Variants in CRTAC1 observed in about 807,000 individuals in gnomAD.
CRTAC1 encodes cartilage acidic protein 1.
In CRTAC1, 37 loss-of-function variants were observed where a neutral mutation model predicts 67.8. The ratio of observed to expected loss-of-function variants is 0.55; its 90% CI spans 0.42 to 0.72. The LOEUF (loss-of-function observed/expected upper bound fraction) is 0.72, where lower values mean the gene tolerates loss of function less well. Ranked by LOEUF, CRTAC1 falls within the 30% of genes least tolerant of loss-of-function variation. The pLI is 0.00. For missense variants in CRTAC1, 780 were observed against 931.6 expected (o/e 0.84, Z 2.12); for synonymous variants, 348 against 371.0 (o/e 0.94, Z 0.71).
At chr10:97,956,624 G>GA (rs148795228) in intron 2 of CRTAC1, among the ~76,000 whole-genome samples, 1,929 of 145,918 alleles carry the variant, frequency 0.013, 43 homozygotes, top group African/African-American at 0.044. Context: ...ATAAACAAAT[G>GA]AAAAAAAGTA....
chr10:97,982,623 G>A (rs548990316), intron 2 of CRTAC1, among the ~76,000 whole-genome samples: 17 of 152,260 alleles, frequency 1.1e-4, no homozygotes, highest in African/African-American at 1.9e-4. Flanking sequence ...AATCTCTAGC[G>A]GTCCCCAGTT....
chr10:97,879,859 A>AGGGGGGGGGGGG, intron 14 of CRTAC1: 6 of 407,936 alleles, frequency 1.5e-5, no homozygotes, highest in Non-Finnish European at 2.4e-5. Flanking sequence ...GGGGGTGGGG[A>AGGGGGGGGGGGG]CGGGGTGGGG....
chr10:97,903,431 C>A (rs536387021), intron 7 of CRTAC1, among the ~76,000 whole-genome samples: 1 of 151,700 alleles, frequency 6.6e-6, no homozygotes, highest in Admixed American at 6.6e-5. Context: ...GATCCCAGGA[C>A]GAGCTGTCCT....
At chr10:97,905,864 G>A (rs1007269350) in intron 6 of CRTAC1, among the ~76,000 whole-genome samples, 1 of 152,194 alleles carries the variant, frequency 6.6e-6, no homozygotes, top group Non-Finnish European at 1.5e-5. Context: ...CCACGGAGTG[G>A]GTGCTGGGGG....
At chr10:97,945,557 C>T (rs1028698769) in intron 2 of CRTAC1, among the ~76,000 whole-genome samples, 2 of 152,022 alleles carry the variant, frequency 1.3e-5, no homozygotes, top group Non-Finnish European at 2.9e-5. Context: ...AGGATATATC[C>T]AGAGGCCATA....
intron 1 of CRTAC1, among the ~76,000 whole-genome samples, chr10:98,028,419 C>A (rs753163904): frequency 8.5e-5 from 13 of 152,312 alleles, no homozygotes; most frequent in African/African-American, 2.6e-4. Context: ...CGCCTCAGCA[C>A]GGAAGCAAGG....
In CRTAC1 at chr10:97,917,647, G is replaced by A. The variant is rs148307013; in HGVS notation, c.568C>T (p.Arg190Cys). ...VACVDRKGSG[R>C]YSIYIANYAY... Reference sequence around the variant, plus strand: ...TAATTGGCAATGTAGATAGAGTAGCGTCCAGAGCCCTGAGGAAGAAGGGAA... The same window carrying A: ...TAATTGGCAATGTAGATAGAGTAGCATCCAGAGCCCTGAGGAAGAAGGGAA... Residue 190 changes from arginine (R) to cysteine (C), a missense_variant, in exon 5 of 15, where the codon CGC becomes TGC. Transcript: ENST00000370597. 9.9e-5 allele frequency: 154 copies of A among 1,558,536 alleles called. No individual in the cohort carries two copies. Among genetic ancestry groups the A allele is most frequent in the Non-Finnish European group, 1.2e-4 (143 of 1,145,000 alleles).
At chr10:97,891,432 C>T (rs907786418) in intron 11 of CRTAC1, among the ~76,000 whole-genome samples, 5 of 152,250 alleles carry the variant, frequency 3.3e-5, no homozygotes, top group South Asian at 2.1e-4. Flanking sequence ...TCCTTCTAGA[C>T]CTAATTCCAG....
rs948052235 is a variant in CRTAC1 at position 97,884,202 on chromosome 10, C to T, written c.1632+4G>A. The stretch of plus-strand genomic sequence containing the variant: ...GGCTATGAGGCCCAGATGCCTTTGC[C>T]CACCTCCAGTGGGGCTGGGTCCTGA... On this transcript the variant is annotated splice_donor_region_variant and intron_variant, in intron 12 of 14. Coordinates refer to ENST00000370597, the MANE Select transcript of CRTAC1 (RefSeq NM_018058.7). 1.9e-6 allele frequency: 3 copies of T among 1,564,238 alleles called. No homozygotes were observed. The highest frequency in any genetic ancestry group is 3.7e-5 in the Admixed American group (2 of 53,898).
intron 5 of CRTAC1, among the ~76,000 whole-genome samples, chr10:97,914,906 C>T (rs961141164): frequency 1.3e-5 from 2 of 152,150 alleles, no homozygotes; most frequent in Non-Finnish European, 2.9e-5. Context: ...TCGAGTCCCC[C>T]GAGAGCTGGC....
intron 2 of CRTAC1, among the ~76,000 whole-genome samples, chr10:97,981,582 T>C (rs1030448121): frequency 1.3e-5 from 2 of 152,244 alleles, no homozygotes; most frequent in African/African-American, 4.8e-5. Flanking sequence ...CTTATAAATA[T>C]GCACAACAAA....
intron 3 of CRTAC1, among the ~76,000 whole-genome samples, chr10:97,928,851 G>C (rs547472962): frequency 6.6e-6 from 1 of 152,184 alleles, no homozygotes; most frequent in East Asian, 1.9e-4. Flanking sequence ...GGCAGGGCAG[G>C]GGAGACCCAG....
chr10:97,953,664 A>T (rs904990560), intron 2 of CRTAC1, among the ~76,000 whole-genome samples: 1 of 152,112 alleles, frequency 6.6e-6, no homozygotes, highest in African/African-American at 2.4e-5. Context: ...GTCATTATTT[A>T]TCTCCCCCAC....
intron 2 of CRTAC1, among the ~76,000 whole-genome samples, chr10:97,964,383 T>C (rs1667584208): frequency 6.6e-6 from 1 of 152,218 alleles, no homozygotes; most frequent in African/African-American, 2.4e-5. Flanking sequence ...CTTATTCACG[T>C]GGGTTCCCTG....
chr10:97,925,410 G>T (rs146010944), intron 3 of CRTAC1, among the ~76,000 whole-genome samples: 2 of 152,128 alleles, frequency 1.3e-5, no homozygotes, highest in East Asian at 3.9e-4. Context: ...GTGAGTGAGG[G>T]TGTGTGGTGA....
At chr10:97,879,848 A>C in intron 14 of CRTAC1, 1 of 264,138 alleles carries the variant, frequency 3.8e-6, no homozygotes, top group Non-Finnish European at 6.8e-6. Flanking sequence ...AAAAAGAGAA[A>C]GGGGGTGGGG....
At chr10:98,004,341 C>T (rs918769730) in intron 2 of CRTAC1, among the ~76,000 whole-genome samples, 13 of 152,238 alleles carry the variant, frequency 8.5e-5, no homozygotes, top group African/African-American at 2.4e-4. Context: ...AAGAGGCCCT[C>T]TTTTCCTTCT....
chr10:97,874,122 C>T lies in CRTAC1; in HGVS notation c.1819+6127G>A, dbSNP rs566461032. Among the ~76,000 whole-genome samples, 9 of 152,170 alleles carry T rather than the reference C, an allele frequency of 5.9e-5. No homozygotes were observed. The South Asian group carries it at 1.2e-3, about 21-fold the overall frequency. On this transcript the variant is annotated intron_variant, in intron 14 of 14. Transcript: ENST00000370597. ...GAGCTGAGCTCTTTTGAGGAGCAGC[C>T]GGCAACCCGGCAGGAAAAAGGACCA... is the stretch of plus-strand genomic sequence containing the variant.
intron 5 of CRTAC1, among the ~76,000 whole-genome samples, chr10:97,912,814 G>T (rs1417221608): frequency 6.6e-6 from 1 of 152,150 alleles, no homozygotes; most frequent in Non-Finnish European, 1.5e-5. Flanking sequence ...CTGTAAAGTG[G>T]GTGGGAATTG....
Sources: allele counts gnomAD v4.1 joint callset (sites outside exome capture counted in the v4.1 genomes callset), GRCh38; gene constraint gnomAD v4.1.1; transcripts MANE v1.5; gene names NCBI Gene and HGNC (gene_info 2026-07-23, HGNC 2026-07-21).